Variants in NFIX observed in about 807,000 individuals in gnomAD.
NFIX encodes the protein nuclear factor 1 X-type.
In NFIX, 2 loss-of-function variants were observed where a neutral mutation model predicts 53.3. That is an observed-to-expected ratio of 0.04 (90% CI 0.02 to 0.12). The LOEUF (loss-of-function observed/expected upper bound fraction) is 0.12. Ranked by LOEUF, NFIX falls within the 10% of genes least tolerant of loss-of-function variation. The probability of loss-of-function intolerance (pLI) is 1.00; values close to 1 mark genes in which losing one functional copy is unlikely to be tolerated. For missense variants in NFIX, 310 were observed against 674.5 expected (o/e 0.46, Z 5.99); for synonymous variants, 244 against 289.0 (o/e 0.84, Z 1.58).
rs957116755 is a variant in NFIX at position 13,067,155 on chromosome 19, C to T, written c.560-5892C>T. ...GAGGAAGCGGGAGAGAAGTAGGAGGCGGGTGCAGTGCTGGGAGGGCCAGTG... is the reference window on the plus strand; with the variant it reads ...GAGGAAGCGGGAGAGAAGTAGGAGGTGGGTGCAGTGCTGGGAGGGCCAGTG... On this transcript the variant is annotated intron_variant, in intron 2 of 10. Transcript: ENST00000592199. This position sits in a 1 kb window ranked among gnomAD's most constrained non-coding sequence, Gnocchi z 4.2. Among the ~76,000 whole-genome samples, 31 of 152,330 alleles carry T rather than the reference C, an allele frequency of 2.0e-4. No homozygotes were observed. The highest frequency in any genetic ancestry group is 7.2e-4 in the African/African-American group (30 of 41,572).
rs746384490 is a variant in NFIX, at chr19:13,088,179, C to T, written c.1402+43C>T. 26 of 1,534,462 alleles carry T rather than the reference C, an allele frequency of 1.7e-5. No individual in the cohort carries two copies. Among genetic ancestry groups the T allele is most frequent in the Middle Eastern group, 1.7e-4 (1 of 6,006 alleles). On this transcript the variant is annotated intron_variant, in intron 9 of 10. Coordinates refer to ENST00000592199, the MANE Select transcript of NFIX (RefSeq NM_001365902.3). This position sits in a 1 kb window ranked among gnomAD's most constrained non-coding sequence, Gnocchi z 5.9. ...CCGAAACCACAACGCCCAGCGTCCC[C>T]GGCCCGTCCAAACAGTCTCCACTGC...
chr19:13,022,618 TAGAAAC>T lies in NFIX; in HGVS notation c.28-2397_28-2392del, dbSNP rs2013001632. Reference sequence around the variant, plus strand: ...AGAAAAAAAAAAAGAAAGAAAGAAATAGAAACAGAAAAAGAGAGTGTGCAGGCCCGA... The same window carrying T: ...AGAAAAAAAAAAAGAAAGAAAGAAATAGAAAAAGAGAGTGTGCAGGCCCGA... On this transcript the variant is annotated intron_variant, in intron 1 of 10. Coordinates refer to ENST00000592199, the MANE Select transcript of NFIX (RefSeq NM_001365902.3). This position sits in a 1 kb window ranked among gnomAD's most constrained non-coding sequence, Gnocchi z 4.5. 6.7e-6 allele frequency among the ~76,000 whole-genome samples: 1 copy of T among 148,388 alleles called. No individual in the cohort carries two copies. The highest frequency in any genetic ancestry group is 2.5e-5 in the African/African-American group (1 of 40,190).
intron 2 of NFIX, among the ~76,000 whole-genome samples, chr19:13,042,149 G>A (rs1208581261): frequency 2.0e-5 from 3 of 150,648 alleles, no homozygotes; most frequent in South Asian, 2.1e-4. Context: ...CTCGTGATCC[G>A]CCTGCCTTGG....
chr19:13,055,400 C>CG (rs753144978), intron 2 of NFIX, among the ~76,000 whole-genome samples: 17 of 152,308 alleles, frequency 1.1e-4, no homozygotes, highest in Middle Eastern at 3.4e-3. Context: ...TTCTTGCATC[C>CG]GGGGGCCCCG....
intron 1 of NFIX, chr19:13,024,763 G>T (rs2013186056): frequency 6.6e-7 from 1 of 1,515,070 alleles, no homozygotes; most frequent in African/African-American, 1.4e-5. Flanking sequence ...TGTGTGTAGA[G>T]GCTCCCGGTG....
chr19:13,076,966 C>T (rs1445615269), intron 6 of NFIX, among the ~76,000 whole-genome samples: 1 of 152,114 alleles, frequency 6.6e-6, no homozygotes, highest in Admixed American at 6.5e-5. Context: ...CCCTCCCAGG[C>T]TCTCCTCGTG....
At chr19:13,065,673 G>C (rs2016358418) in intron 2 of NFIX, among the ~76,000 whole-genome samples, 1 of 152,104 alleles carries the variant, frequency 6.6e-6, no homozygotes, top group Non-Finnish European at 1.5e-5. Flanking sequence ...CTCCTTTGCT[G>C]GCCACTGCCT....
intron 2 of NFIX, among the ~76,000 whole-genome samples, chr19:13,033,626 A>G (rs1045921740): frequency 4.0e-4 from 61 of 152,210 alleles, no homozygotes; most frequent in African/African-American, 1.4e-3. Flanking sequence ...CTTGGTCTCT[A>G]TCCCCTGCTT....
At chr19:13,055,768 C>G (rs762318340) in intron 2 of NFIX, among the ~76,000 whole-genome samples, 2 of 152,192 alleles carry the variant, frequency 1.3e-5, no homozygotes, top group Non-Finnish European at 2.9e-5. Context: ...CCAGCCTCTC[C>G]TCTGGGTCCT....
At chr19:12,997,603 T>G (rs1335196547) in intron 1 of NFIX, among the ~76,000 whole-genome samples, 1 of 152,196 alleles carries the variant, frequency 6.6e-6, no homozygotes, top group Non-Finnish European at 1.5e-5. Context: ...TACACTTGGC[T>G]GGGCTGTGTG....
chr19:13,073,294 CTG>C lies in NFIX; in HGVS notation c.623-127_623-126del, dbSNP rs2016877989. The C allele has an allele frequency of 4.1e-6, 4 of 975,952 alleles. No individual in the cohort carries two copies. The South Asian group carries it at 5.2e-5, about 13-fold the overall frequency. 60.5% of individuals were successfully genotyped at this position (975,952 alleles called of 1,614,324 possible). Reference sequence around the variant, plus strand: ...AGGATCCCCCCTGTTCGGTGTAGACCTGAGGGCTAGCCTGGAGCTGGAAACGG... The same window carrying C: ...AGGATCCCCCCTGTTCGGTGTAGACCAGGGCTAGCCTGGAGCTGGAAACGG... On this transcript the variant is annotated intron_variant, in intron 3 of 10. Transcript: ENST00000592199. The surrounding 1 kb of genome is among the most constrained non-coding windows in gnomAD (Gnocchi z 4.5).
At chr19:13,018,330 AGGGGCGGGGGGGGGGGG>A (rs1431956358) in intron 1 of NFIX, among the ~76,000 whole-genome samples, 1 of 1,362 alleles carries the variant, frequency 7.3e-4, no homozygotes, top group Non-Finnish European at 1.8e-3. Context: ...GAGAAAAGGA[AGGGGCGGGGGGGGGGGG>A]GGGGCGCGGT....
intron 2 of NFIX, among the ~76,000 whole-genome samples, chr19:13,038,348 C>T (rs1377571663): frequency 1.3e-5 from 2 of 152,168 alleles, no homozygotes; most frequent in East Asian, 1.9e-4. Context: ...CACCTCTTCC[C>T]ATATAGACCT....
At chr19:13,039,746 T>C (rs2014482761) in intron 2 of NFIX, among the ~76,000 whole-genome samples, 1 of 152,214 alleles carries the variant, frequency 6.6e-6, no homozygotes, top group Non-Finnish European at 1.5e-5. Flanking sequence ...TAGTTTCTCT[T>C]AGGCTGGAAT....
At chr19:13,056,163 C>T (rs964518479) in intron 2 of NFIX, among the ~76,000 whole-genome samples, 5 of 152,296 alleles carry the variant, frequency 3.3e-5, no homozygotes, top group East Asian at 1.9e-4. Context: ...ACCCGCCCTT[C>T]GGAAGGAGTT....
intron 1 of NFIX, among the ~76,000 whole-genome samples, chr19:13,004,107 G>A (rs1243278074): frequency 6.6e-6 from 1 of 152,040 alleles, no homozygotes; most frequent in Non-Finnish European, 1.5e-5. Flanking sequence ...TGGAGGGGGT[G>A]CTATTTAGTG....
At chr19:13,057,543 G>A (rs982073066) in intron 2 of NFIX, among the ~76,000 whole-genome samples, 2 of 152,148 alleles carry the variant, frequency 1.3e-5, no homozygotes, top group African/African-American at 4.8e-5. Context: ...CCAGGGCCCC[G>A]GGCCCTCCCC....
In NFIX at chr19:13,094,653, G is replaced by A. The variant is rs533152277; in HGVS notation, c.*4G>A. The A allele has an allele frequency of 2.8e-5, 43 of 1,536,094 alleles. No individual in the cohort carries two copies. The African/African-American group carries it at 5.6e-4, about 20-fold the overall frequency. On this transcript the variant is annotated 3_prime_UTR_variant, in exon 11 of 11. Transcript: ENST00000592199. This position sits in a 1 kb window ranked among gnomAD's most constrained non-coding sequence, Gnocchi z 4.3. ...GTTTCAGTCCTGGTTCCTCTGATAA[G>A]ATCGACAAAAGAAACAACAAAATGA...
At position 13,021,671 on chromosome 19, in the gene NFIX, G is replaced by A. The variant is rs1049486731; in HGVS notation, c.28-3350G>A. Reference sequence around the variant, plus strand: ...CTTCTTCCTCTGCTTTTCCTTTTATGTCATATCTATTTCCTTCTTACTGTG... The same window carrying A: ...CTTCTTCCTCTGCTTTTCCTTTTATATCATATCTATTTCCTTCTTACTGTG... On this transcript the variant is annotated intron_variant, in intron 1 of 10. Transcript: ENST00000592199. This position sits in a 1 kb window ranked among gnomAD's most constrained non-coding sequence, Gnocchi z 4.2. 6.6e-5 allele frequency among the ~76,000 whole-genome samples: 10 copies of A among 152,098 alleles called. No homozygotes were observed. Among genetic ancestry groups the A allele is most frequent in the African/African-American group, 2.4e-4 (10 of 41,394 alleles).
Sources: allele counts gnomAD v4.1 joint callset (sites outside exome capture counted in the v4.1 genomes callset), GRCh38; gene constraint gnomAD v4.1.1; non-coding constraint Gnocchi (gnomAD v3.1); transcripts MANE v1.5; gene names NCBI Gene and HGNC (gene_info 2026-07-23, HGNC 2026-07-21).